The following KIF26B variants were observed in gnomAD, a reference collection of about 807,000 sequenced individuals.
KIF26B encodes kinesin-like protein KIF26B.
Under a neutral mutation model 151.2 loss-of-function variants are expected in KIF26B, and 63 were observed. That is an observed-to-expected ratio of 0.42 (90% CI 0.34 to 0.51). The LOEUF (loss-of-function observed/expected upper bound fraction) is 0.51, where lower values mean the gene tolerates loss of function less well. KIF26B is among the 20% of genes least tolerant of loss of function. The pLI, the probability that KIF26B is intolerant of heterozygous loss-of-function variation, is 0.07. For synonymous variants in KIF26B, 1,357 were observed against 1,262.1 expected, an observed-to-expected ratio of 1.08 and a Z score of -1.59; for missense variants, 2,813 against 2,913.6, an observed-to-expected ratio of 0.97 and a Z score of 0.79.
chr1:245,674,964 A>G (rs151214030), intron 10 of KIF26B, among the ~76,000 whole-genome samples: 2 of 152,304 alleles, frequency 1.3e-5, no homozygotes, highest in Admixed American at 6.5e-5. Flanking sequence ...ACGTGTGACA[A>G]CTGCATGTTT....
Position 245,687,680 on chromosome 1 carries a change from C to T in KIF26B, c.4697C>T (p.Ala1566Val), listed in dbSNP as rs1354111609. 1.3e-6 allele frequency: 2 copies of T among 1,579,414 alleles called. No homozygotes were observed. The highest frequency in any genetic ancestry group is 1.7e-6 in the Non-Finnish European group (2 of 1,163,024). ...YCAAETNGVG[A>V]ASGTPPSKAT... ...GCTGCTGAGACCAACGGGGTGGGTG[C>T]AGCCTCGGGCACCCCGCCCTCCAAG... Residue 1566 changes from alanine (A) to valine (V), a missense_variant, in exon 12 of 15, where the codon GCA becomes GTA. Ala to Val is a moderately conservative substitution (Grantham distance 64). Transcript: ENST00000407071. The surrounding 1 kb of genome is among the most constrained non-coding windows in gnomAD (Gnocchi z 4.9).
Position 245,554,191 on chromosome 1 carries a change from C to G in KIF26B, c.1350+13241C>G, listed in dbSNP as rs1223107316. On this transcript the variant is annotated intron_variant, in intron 5 of 14. Coordinates refer to ENST00000407071, the MANE Select transcript of KIF26B (RefSeq NM_018012.4). ...ACCATTCACCACTCTGTTGCTGTCA[C>G]CGCTTTATGGGTCTAGGTTTTCTCC... Among the ~76,000 whole-genome samples the G allele has an allele frequency of 3.3e-5, 5 of 152,144 alleles. No homozygotes were observed. In the East Asian group the frequency reaches 9.6e-4, roughly 29 times the overall value.
intron 10 of KIF26B, among the ~76,000 whole-genome samples, chr1:245,652,379 G>A (rs982035884): frequency 1.3e-5 from 2 of 152,118 alleles, no homozygotes; most frequent in Non-Finnish European, 2.9e-5. Flanking sequence ...ATACATTTTA[G>A]TGATGGTTAG....
intron 9 of KIF26B, among the ~76,000 whole-genome samples, chr1:245,618,543 G>A (rs965780888): frequency 1.3e-5 from 2 of 149,660 alleles, no homozygotes; most frequent in Non-Finnish European, 3.0e-5. Flanking sequence ...GAGTGCCACA[G>A]TGCTGGGGCT....
Position 245,623,057 on chromosome 1 carries a change from T to C in KIF26B, c.2098+11081T>C, listed in dbSNP as rs2043683228. Among the ~76,000 whole-genome samples, 7 of 146,952 alleles carry C rather than the reference T, an allele frequency of 4.8e-5. No homozygotes were observed. The Admixed American group carries it at 4.9e-4, about 10-fold the overall frequency. On this transcript the variant is annotated intron_variant, in intron 9 of 14. Transcript: ENST00000407071. ...TTTTTTTTTTTTTTTTTTTTTGTTGTTTTTTAACAACTTTAATGAGATATA... is the reference window on the plus strand; with the variant it reads ...TTTTTTTTTTTTTTTTTTTTTGTTGCTTTTTAACAACTTTAATGAGATATA...
chr1:245,397,286 G>T (rs1673871337), intron 3 of KIF26B, among the ~76,000 whole-genome samples: 1 of 150,706 alleles, frequency 6.6e-6, no homozygotes, highest in African/African-American at 2.4e-5. Flanking sequence ...CATGATCCCA[G>T]TTTACCGCAT....
chr1:245,267,649 C>T (rs916190153), intron 2 of KIF26B, among the ~76,000 whole-genome samples: 1 of 104,564 alleles, frequency 9.6e-6, no homozygotes, highest in Non-Finnish European at 2.2e-5. Context: ...CACACACACA[C>T]ACACACACAC....
At chr1:245,532,028 C>T (rs1249701999) in intron 4 of KIF26B, among the ~76,000 whole-genome samples, 2 of 152,070 alleles carry the variant, frequency 1.3e-5, no homozygotes, top group African/African-American at 4.8e-5. Context: ...TTTGAGGCTG[C>T]AGTGGGCTAT....
At chr1:245,370,936 G>A (rs1285428648) in intron 3 of KIF26B, among the ~76,000 whole-genome samples, 1 of 152,156 alleles carries the variant, frequency 6.6e-6, no homozygotes, top group East Asian at 1.9e-4. Flanking sequence ...TTCCTGTCCT[G>A]AGGTCCTTGC....
intron 4 of KIF26B, among the ~76,000 whole-genome samples, chr1:245,508,635 G>A (rs546345231): frequency 9.9e-5 from 15 of 151,976 alleles, no homozygotes; most frequent in South Asian, 2.1e-4. Context: ...TTTAGTGACC[G>A]TTTTCATACA....
chr1:245,359,874 C>CTTTTTTT (rs766845350), intron 2 of KIF26B, among the ~76,000 whole-genome samples: 2 of 139,606 alleles, frequency 1.4e-5, no homozygotes, highest in African/African-American at 5.5e-5. Flanking sequence ...TTCTTTCTTT[C>CTTTTTTT]TTTTTTTTTT....
At chr1:245,699,148 A>T in intron 14 of KIF26B, 111 bp downstream of exon 14, 1 of 1,162,224 alleles carries the variant, frequency 8.6e-7, no homozygotes, top group Non-Finnish European at 1.2e-6. Context: ...GTCCTCAGTC[A>T]CAGGATGCCC....
chr1:245,172,055 C>T (rs1406467692), intron 2 of KIF26B, among the ~76,000 whole-genome samples: 1 of 139,202 alleles, frequency 7.2e-6, no homozygotes, highest in African/African-American at 2.6e-5. Flanking sequence ...TCAGTTCATT[C>T]ATTTTTCATT....
rs146342366 is a variant in KIF26B, at chr1:245,157,644, G to T, written c.465+961G>T. The stretch of plus-strand genomic sequence containing the variant: ...TTAAATTCAACAAATGCCCACAGAC[G>T]CTGTGAAACTTAAAATGGGGGAAAT... On this transcript the variant is annotated intron_variant, in intron 2 of 14. Transcript: ENST00000407071. Among the ~76,000 whole-genome samples, 384 of 152,332 alleles carry T rather than the reference G, an allele frequency of 2.5e-3. 1 individual carries two copies. The highest frequency in any genetic ancestry group is 8.4e-3 in the African/African-American group (351 of 41,572).
intron 2 of KIF26B, among the ~76,000 whole-genome samples, chr1:245,207,508 G>T (rs949046925): frequency 6.6e-6 from 1 of 152,158 alleles, no homozygotes; most frequent in African/African-American, 2.4e-5. Context: ...ACTTACAAGG[G>T]ACTTACAGTC....
intron 2 of KIF26B, among the ~76,000 whole-genome samples, chr1:245,260,085 G>C (rs534421904): frequency 2.7e-4 from 41 of 152,196 alleles, no homozygotes; most frequent in African/African-American, 9.6e-4. Context: ...TGGTGGGATG[G>C]GGTCGGAGGA....
intron 2 of KIF26B, among the ~76,000 whole-genome samples, chr1:245,327,691 G>GT (rs1436447596): frequency 6.6e-6 from 1 of 152,128 alleles, no homozygotes; most frequent in Non-Finnish European, 1.5e-5. Context: ...AAGAACCACT[G>GT]TTTATAGCAT....
intron 2 of KIF26B, among the ~76,000 whole-genome samples, chr1:245,257,960 T>C (rs1419794116): frequency 6.6e-6 from 1 of 152,036 alleles, no homozygotes; most frequent in Non-Finnish European, 1.5e-5. Flanking sequence ...AGGCGGAGGT[T>C]GCAGTGAGCT....
intron 3 of KIF26B, among the ~76,000 whole-genome samples, chr1:245,387,469 C>T (rs1026181398): frequency 6.6e-6 from 1 of 152,190 alleles, no homozygotes; most frequent in Non-Finnish European, 1.5e-5. Context: ...CGGCTCCAAT[C>T]TAACTCTTGA....
Sources: allele counts gnomAD v4.1 joint callset (sites outside exome capture counted in the v4.1 genomes callset), GRCh38; gene constraint gnomAD v4.1.1; non-coding constraint Gnocchi (gnomAD v3.1); transcripts MANE v1.5; gene names NCBI Gene and HGNC (gene_info 2026-07-23, HGNC 2026-07-21).